Variants in DUSP29 observed in about 807,000 individuals in gnomAD.
The protein encoded by DUSP29 is atypical dual-specific protein phosphatase.
A neutral mutation model predicts 13.5 loss-of-function variants in DUSP29; 12 were observed. The observed-to-expected ratio is 0.89, with a 90% CI of 0.57 to 1.44. The LOEUF is 1.44. Ranked by LOEUF, DUSP29 falls within the 40% of genes most tolerant of loss-of-function variation. The probability of loss-of-function intolerance (pLI) is 0.00; values close to 1 mark genes in which losing one functional copy is unlikely to be tolerated. For synonymous variants in DUSP29, 134 were observed against 128.7 expected (o/e 1.04, Z -0.28); for missense variants, 308 against 301.1 (o/e 1.02, Z -0.17).
At chr10:75,047,807 T>C (rs1214044434) in intron 2 of DUSP29, among the ~76,000 whole-genome samples, 1 of 152,242 alleles carries the variant, frequency 6.6e-6, no homozygotes. Context: ...AAAAATCACC[T>C]GTATTTCTAC....
chr10:75,070,863 G>A (rs1847314049), intron 1 of DUSP29, among the ~76,000 whole-genome samples: 2 of 152,188 alleles, frequency 1.3e-5, no homozygotes, highest in South Asian at 4.1e-4. Context: ...ACTGTGGAAC[G>A]GGTAGGCCCA....
At chr10:75,062,049 C>T (rs1010223217) in intron 1 of DUSP29, among the ~76,000 whole-genome samples, 5 of 152,172 alleles carry the variant, frequency 3.3e-5, no homozygotes, top group African/African-American at 2.4e-5. Context: ...TATTCTGGGG[C>T]CTGCCTGCTG....
chr10:75,053,807 G>C (rs1050893160), intron 2 of DUSP29, among the ~76,000 whole-genome samples: 2 of 151,802 alleles, frequency 1.3e-5, no homozygotes, highest in African/African-American at 4.8e-5. Context: ...TTCCCCCGCA[G>C]CTCCAAGCAA....
In DUSP29 at chr10:75,058,491, T is replaced by C. The variant is rs1045541574; in HGVS notation, c.24A>G (p.Thr8=). The part of the protein sequence containing the change: MTSGEVK[T]SLKNAYSSAK... Reference sequence around the variant, plus strand: ...CAGATGAGTAGGCATTCTTGAGGCTTGTCTTCACTTCTCCAGATGTCATTT... The same window carrying C: ...CAGATGAGTAGGCATTCTTGAGGCTCGTCTTCACTTCTCCAGATGTCATTT... The change falls in exon 2 of 4, where the codon ACA becomes ACG. Residue 8 remains threonine (T), a synonymous_variant. Transcript: ENST00000338487. The C allele has an allele frequency of 6.2e-7, 1 of 1,614,230 alleles. No homozygotes were observed. Among genetic ancestry groups the C allele is most frequent in the East Asian group, 2.2e-5 (1 of 44,888 alleles).
At chr10:75,066,554 CT>C (rs1051982940) in intron 1 of DUSP29, among the ~76,000 whole-genome samples, 3 of 152,054 alleles carry the variant, frequency 2.0e-5, no homozygotes, top group Non-Finnish European at 4.4e-5. Context: ...TTTTTGTTTT[CT>C]TTTTTTAAAG....
intron 1 of DUSP29, among the ~76,000 whole-genome samples, chr10:75,064,466 C>T (rs1007840894): frequency 6.6e-6 from 1 of 152,192 alleles, no homozygotes; most frequent in Non-Finnish European, 1.5e-5. Context: ...CGAGATCGCG[C>T]CACTGCACTC....
At chr10:75,066,663 T>C (rs2134305808) in intron 1 of DUSP29, among the ~76,000 whole-genome samples, 1 of 152,290 alleles carries the variant, frequency 6.6e-6, no homozygotes, top group South Asian at 2.1e-4. Flanking sequence ...TTAGAAGTGT[T>C]CTGCACGGAG....
In DUSP29 at chr10:75,058,402, G is replaced by A; in HGVS notation, c.113C>T (p.Ala38Val). Residue 38 changes from alanine to valine, a missense_variant, in exon 2 of 4, where the codon GCC (alanine) becomes GTC (valine). Ala to Val is a moderately conservative substitution (Grantham distance 64). Coordinates refer to ENST00000338487, the MANE Select transcript of DUSP29 (RefSeq NM_001003892.3). ...GEEEDYCTPG[A>V]FELERLFWKG... ...CCAGAAGAGCCGCTCCAGCTCAAAG[G>A]CTCCAGGGGTGCAGTAGTCCTCCTC... The A allele has an allele frequency of 6.2e-7, 1 of 1,614,210 alleles. No individual in the cohort carries two copies. Among genetic ancestry groups the A allele is most frequent in the Non-Finnish European group, 8.5e-7 (1 of 1,180,042 alleles).
In DUSP29 at chr10:75,058,344, C is replaced by T. The variant is rs139949472; in HGVS notation, c.171G>A (p.Glu57=). 3.5e-5 allele frequency: 57 copies of T among 1,614,134 alleles called. No individual in the cohort carries two copies. The African/African-American group carries it at 6.1e-4, about 17-fold the overall frequency. ...KGSPQYTHVN[E]VWPKLYIGDE... Reference sequence around the variant, plus strand: ...CGCCAATGTAGAGCTTGGGCCAGACCTCGTTGACGTGGGTGTACTGGGGAC... The same window carrying T: ...CGCCAATGTAGAGCTTGGGCCAGACTTCGTTGACGTGGGTGTACTGGGGAC... The change falls in exon 2 of 4, where the codon GAG becomes GAA. Residue 57 remains glutamate (E), a synonymous_variant. Coordinates refer to ENST00000338487, the MANE Select transcript of DUSP29 (RefSeq NM_001003892.3).
At chr10:75,049,032 C>G (rs1211018672) in intron 2 of DUSP29, among the ~76,000 whole-genome samples, 2 of 152,158 alleles carry the variant, frequency 1.3e-5, no homozygotes, top group Non-Finnish European at 2.9e-5. Flanking sequence ...TAAAAGATGA[C>G]TCCAAGGGGA....
intron 2 of DUSP29, 49 bp from the exon 3 acceptor site, chr10:75,044,066 G>T (rs748184602): frequency 6.4e-7 from 1 of 1,560,612 alleles, no homozygotes; most frequent in Non-Finnish European, 8.7e-7. Flanking sequence ...CCTGCCCCGG[G>T]TCCGGGAAAC....
chr10:75,056,957 G>A (rs118166886), intron 2 of DUSP29, among the ~76,000 whole-genome samples: 3,782 of 152,280 alleles, frequency 0.025, 70 homozygotes, highest in Non-Finnish European at 0.039. Flanking sequence ...TTATCTCCAG[G>A]TATTAAGCAG....
At chr10:75,070,427 G>A (rs1847306010) in intron 1 of DUSP29, among the ~76,000 whole-genome samples, 1 of 152,204 alleles carries the variant, frequency 6.6e-6, no homozygotes, top group African/African-American at 2.4e-5. Context: ...TATGGGCCTT[G>A]GAATCTCACT....
At chr10:75,071,336 G>C (rs1017983050) in intron 1 of DUSP29, among the ~76,000 whole-genome samples, 1 of 152,214 alleles carries the variant, frequency 6.6e-6, no homozygotes, top group African/African-American at 2.4e-5. Context: ...CCTCGGGGCC[G>C]CAGTGTCTGG....
At chr10:75,052,316 T>C (rs1846851061) in intron 2 of DUSP29, among the ~76,000 whole-genome samples, 1 of 149,760 alleles carries the variant, frequency 6.7e-6, no homozygotes, top group East Asian at 1.9e-4. Flanking sequence ...TTTTTTTTTT[T>C]TTTTTTCTTG....
chr10:75,067,537 T>C (rs992520192), intron 1 of DUSP29, among the ~76,000 whole-genome samples: 6 of 152,058 alleles, frequency 3.9e-5, no homozygotes, highest in Non-Finnish European at 4.4e-5. Context: ...GTGGCATCGT[T>C]CCCTCCTTGA....
chr10:75,063,377 TTA>T (rs112351353), intron 1 of DUSP29, among the ~76,000 whole-genome samples: 21,590 of 151,980 alleles, frequency 0.14, 2,291 homozygotes, highest in African/African-American at 0.29. Flanking sequence ...GGACAGTTCT[TTA>T]TATACATAAA....
At chr10:75,066,883 C>T (rs1847215389) in intron 1 of DUSP29, among the ~76,000 whole-genome samples, 2 of 152,156 alleles carry the variant, frequency 1.3e-5, no homozygotes, top group South Asian at 4.1e-4. Context: ...CCTGTGCCTC[C>T]TGAGAAAGCA....
chr10:75,070,752 G>A (rs749315279), intron 1 of DUSP29, among the ~76,000 whole-genome samples: 3 of 152,128 alleles, frequency 2.0e-5, no homozygotes, highest in Non-Finnish European at 4.4e-5. Flanking sequence ...AGGACCCATC[G>A]CCTCCTGCGT....
Sources: gnomAD v4.1 joint callset for allele counts (sites outside exome capture counted in the v4.1 genomes callset) on GRCh38, gnomAD v4.1.1 for gene constraint, MANE v1.5 for transcripts, NCBI Gene and HGNC (gene_info 2026-07-23, HGNC 2026-07-21) for gene names.